The following BTD variants were observed in gnomAD, a reference collection of about 807,000 sequenced individuals.
The protein encoded by BTD is biotinidase, also known as biocytinase.
Under a neutral mutation model 17.7 loss-of-function variants are expected in BTD, and 13 were observed. The observed-to-expected ratio is 0.74, with a 90% CI of 0.48 to 1.17. The LOEUF (loss-of-function observed/expected upper bound fraction) is 1.17. Among genes scored for constraint, BTD ranks in the 50% most tolerant of loss-of-function variants. The pLI is 0.00. For synonymous variants in BTD, 240 were observed against 245.2 expected, an observed-to-expected ratio of 0.98 and a Z score of 0.20; for missense variants, 674 against 650.4, an observed-to-expected ratio of 1.04 and a Z score of -0.39.
chr3:15,611,138 A>C (rs1227072615), intron 1 of BTD, among the ~76,000 whole-genome samples: 1 of 152,214 alleles, frequency 6.6e-6, no homozygotes, highest in Non-Finnish European at 1.5e-5. Context: ...TGCAGTTTAC[A>C]TTGCCCAGCC....
chr3:15,650,812 C>T lies in BTD; in HGVS notation c.*5324C>T, dbSNP rs1392524315. ...TGAGATGGAGTCTTGCTCTGTCGCC[C>T]GGGCAGGAGTGCAATGGCATGATCT... On this transcript the variant is annotated 3_prime_UTR_variant, in exon 4 of 4. Coordinates refer to ENST00000643237, the MANE Select transcript of BTD (RefSeq NM_001370658.1). 2.0e-5 allele frequency among the ~76,000 whole-genome samples: 3 copies of T among 152,180 alleles called. No individual in the cohort carries two copies. Among genetic ancestry groups the T allele is most frequent in the South Asian group, 2.1e-4 (1 of 4,832 alleles).
At chr3:15,602,583 TA>T (rs2064300740) in intron 1 of BTD, among the ~76,000 whole-genome samples, 1 of 152,174 alleles carries the variant, frequency 6.6e-6, no homozygotes, top group Admixed American at 6.5e-5. Context: ...GTGGAACTTT[TA>T]ATTTTTTGAG....
At chr3:15,641,381 T>C (rs148397770) in intron 2 of BTD, among the ~76,000 whole-genome samples, 2 of 152,348 alleles carry the variant, frequency 1.3e-5, no homozygotes, top group East Asian at 3.9e-4. Flanking sequence ...CTGTTGCCAC[T>C]ATCCCACCCA....
downstream of BTD, among the ~76,000 whole-genome samples, chr3:15,657,273 C>T (rs796358568): frequency 3.9e-5 from 6 of 152,192 alleles, no homozygotes; most frequent in African/African-American, 1.2e-4. Flanking sequence ...ACAGAGCCCA[C>T]TCATCAGTGG....
intron 3 of BTD, chr3:15,678,347 G>A (rs777137741): frequency 6.2e-7 from 1 of 1,601,228 alleles, no homozygotes; most frequent in South Asian, 1.1e-5. Context: ...GCTGCATGGA[G>A]AGGAGTTCTG....
Position 15,651,570 on chromosome 3 carries a change from AC to A in BTD, c.*6084del, listed in dbSNP as rs1179578868. Among the ~76,000 whole-genome samples, 1 of 152,192 alleles carries A rather than the reference AC, an allele frequency of 6.6e-6. No homozygotes were observed. The highest frequency in any genetic ancestry group is 1.9e-4 in the East Asian group (1 of 5,194). On this transcript the variant is annotated 3_prime_UTR_variant, in exon 4 of 4. Coordinates refer to ENST00000643237, the MANE Select transcript of BTD (RefSeq NM_001370658.1). ...CAGGGGCTGTGAGAGAGACAGCCAG[AC>A]CGTAGCGGTGTGACAGGCAGAGAGC...
chr3:15,620,510 A>T (rs534750691), intron 1 of BTD, among the ~76,000 whole-genome samples: 3 of 152,310 alleles, frequency 2.0e-5, no homozygotes, highest in African/African-American at 7.2e-5. Context: ...TTCCATAAAA[A>T]TCGCTATTAT....
chr3:15,626,555 A>G (rs534818439), intron 1 of BTD, among the ~76,000 whole-genome samples: 1 of 152,222 alleles, frequency 6.6e-6, no homozygotes, highest in Non-Finnish European at 1.5e-5. Flanking sequence ...AGGTGAGAGG[A>G]TTGCTTCAGG....
chr3:15,608,727 C>CT (rs2064529637), intron 1 of BTD, among the ~76,000 whole-genome samples: 1 of 151,126 alleles, frequency 6.6e-6, no homozygotes, highest in Non-Finnish European at 1.5e-5. Context: ...GATTGCGCCC[C>CT]TGCACTCCAG....
At position 15,646,217 on chromosome 3, in the gene BTD, C is replaced by G. The variant is rs2065691600; in HGVS notation, c.*729C>G. On this transcript the variant is annotated 3_prime_UTR_variant, in exon 4 of 4. Transcript: ENST00000643237. ...GGGACTGGAAATGTTGAGACGGGGG[C>G]AGCCATGGGAAGGTATGAGTAATAG... 1 of 152,234 alleles carries G rather than the reference C, an allele frequency of 6.6e-6. No individual in the cohort carries two copies. Among genetic ancestry groups the G allele is most frequent in the Non-Finnish European group, 1.5e-5 (1 of 68,080 alleles). The allele number at this position is 152,234 out of a possible 1,614,324, so 9.4% of individuals were successfully genotyped here.
At chr3:15,609,581 T>A (rs1180232663) in intron 1 of BTD, among the ~76,000 whole-genome samples, 1 of 152,232 alleles carries the variant, frequency 6.6e-6, no homozygotes, top group African/African-American at 2.4e-5. Flanking sequence ...TTCTCCATAG[T>A]CTCAACTGTG....
In BTD at chr3:15,635,943, G is replaced by A. The variant is rs374553868; in HGVS notation, c.249+255G>A. On this transcript the variant is annotated intron_variant, in intron 2 of 3. Transcript: ENST00000643237. This position sits in a 1 kb window ranked among gnomAD's most constrained non-coding sequence, Gnocchi z 4.1. ...CCCCAGACCTACTGAATCAGAATGT[G>A]CATTGCAGCAGGATCCCCAGGTGAT... Among the ~76,000 whole-genome samples the A allele has an allele frequency of 3.9e-5, 6 of 152,190 alleles. No individual in the cohort carries two copies. Among genetic ancestry groups the A allele is most frequent in the Admixed American group, 3.9e-4 (6 of 15,282 alleles).
chr3:15,699,271 C>A (rs2070179584), intron 3 of BTD, among the ~76,000 whole-genome samples: 1 of 152,084 alleles, frequency 6.6e-6, no homozygotes, highest in Non-Finnish European at 1.5e-5. Flanking sequence ...AATATTAGAC[C>A]TAAAACCATA....
rs2065756615 is a variant in BTD at position 15,649,100 on chromosome 3, T to G, written c.*3612T>G. Reference sequence around the variant, plus strand: ...TGAAGCCACCCAGTTCAGGGTACTTTGATATGGCAGACCTAGGAAACAAAT... The same window carrying G: ...TGAAGCCACCCAGTTCAGGGTACTTGGATATGGCAGACCTAGGAAACAAAT... On this transcript the variant is annotated 3_prime_UTR_variant, in exon 4 of 4. Transcript: ENST00000643237. 6.6e-6 allele frequency among the ~76,000 whole-genome samples: 1 copy of G among 152,224 alleles called. No individual in the cohort carries two copies. Among genetic ancestry groups the G allele is most frequent in the Non-Finnish European group, 1.5e-5 (1 of 68,044 alleles).
rs993409693 is a variant in BTD, at chr3:15,630,229, A to C, written c.-16-5195A>C. On this transcript the variant is annotated intron_variant, in intron 1 of 3. Coordinates refer to ENST00000643237, the MANE Select transcript of BTD (RefSeq NM_001370658.1). ...TGAAGTATTAGAAATGGAGAAGGAA[A>C]GGGGGGAAAAGCCATCCATTTACTG... 2.3e-5 allele frequency: 8 copies of C among 353,730 alleles called. No individual in the cohort carries two copies. In the East Asian group the frequency reaches 5.0e-4, roughly 22 times the overall value. The allele number at this position is 353,730 out of a possible 1,614,324, so 21.9% of individuals were successfully genotyped here.
intron 3 of BTD, among the ~76,000 whole-genome samples, chr3:15,681,257 A>T (rs1332854416): frequency 2.0e-5 from 3 of 152,222 alleles, no homozygotes; most frequent in Admixed American, 6.5e-5. Flanking sequence ...GGGAATAATG[A>T]CAAAAAAAAA....
intron 3 of BTD, among the ~76,000 whole-genome samples, chr3:15,705,631 TTTTA>T (rs2071247259): frequency 6.6e-6 from 1 of 152,236 alleles, no homozygotes; most frequent in Non-Finnish European, 1.5e-5. Context: ...TTATCACAGA[TTTTA>T]TTTAAATAGT....
chr3:15,620,334 C>T (rs982996625), intron 1 of BTD, among the ~76,000 whole-genome samples: 12 of 152,118 alleles, frequency 7.9e-5, no homozygotes, highest in African/African-American at 2.2e-4. Context: ...CCCCCAGGAG[C>T]GCATTCCTTT....
rs1400637490 is a variant in BTD at position 15,614,595 on chromosome 3, TTTC to T, written c.-17+12704_-17+12706del. On this transcript the variant is annotated intron_variant, in intron 1 of 3. Coordinates refer to ENST00000643237, the MANE Select transcript of BTD (RefSeq NM_001370658.1). ...ATTTGGTTTTATTTGACAATATCTT[TTTC>T]TTTTTTTTTTTTTTTTTGACACAGA... 5.8e-3 allele frequency among the ~76,000 whole-genome samples: 866 copies of T among 149,926 alleles called. 7 individuals are homozygous for T. Among genetic ancestry groups the T allele is most frequent in the African/African-American group, 0.021 (820 of 39,856 alleles).
Sources: gnomAD v4.1 joint callset for allele counts (sites outside exome capture counted in the v4.1 genomes callset) on GRCh38, gnomAD v4.1.1 for gene constraint, Gnocchi (gnomAD v3.1) non-coding constraint, MANE v1.5 for transcripts, NCBI Gene and HGNC (gene_info 2026-07-23, HGNC 2026-07-21) for gene names.